COMTD1: variants seen among roughly 807,000 people sequenced by gnomAD.
COMTD1 encodes catechol-O-methyltransferase domain containing 1.
Under a neutral mutation model 33.6 loss-of-function variants are expected in COMTD1, and 35 were observed. The ratio of observed to expected loss-of-function variants is 1.04; its 90% CI spans 0.80 to 1.38. The LOEUF is 1.38. Among genes scored for constraint, COMTD1 ranks in the 40% most tolerant of loss-of-function variants. The pLI, the probability that COMTD1 is intolerant of heterozygous loss-of-function variation, is 0.00. For synonymous variants in COMTD1, 160 were observed against 176.8 expected (o/e 0.91, Z 0.75); for missense variants, 370 against 363.4 (o/e 1.02, Z -0.15).
chr10:75,235,669 A>G lies in COMTD1; in HGVS notation c.169T>C (p.Tyr57His). The stretch of plus-strand genomic sequence containing the variant: ...TCCCGCATGGAGCGGCTCAGAAGAT[A>G]CTGCCACAGGCGGCTGTCCTCGGGG... ...LPPEDSRLWQYLLSRSMREHP... is the reference protein window; with the variant it reads ...LPPEDSRLWQHLLSRSMREHP... Residue 57 changes from tyrosine to histidine, a missense_variant, in exon 2 of 7, where the codon TAT (tyrosine) becomes CAT (histidine). By Grantham distance (83) the Tyr-to-His change is moderately conservative (BLOSUM62 2). Transcript: ENST00000372538. 2 of 1,598,718 alleles carry G rather than the reference A, an allele frequency of 1.3e-6. No homozygotes were observed. Among genetic ancestry groups the G allele is most frequent in the Non-Finnish European group, 1.7e-6 (2 of 1,174,164 alleles).
At chr10:75,235,439 C>T in intron 2 of COMTD1, 67 bp from the exon 3 acceptor site, 1 of 1,369,242 alleles carries the variant, frequency 7.3e-7, no homozygotes, top group South Asian at 1.4e-5. Context: ...GGTCCCAAGC[C>T]CCAGGGGCGC....
chr10:75,234,396 G>A (rs1370943537), intron 6 of COMTD1, 171 bp from the exon 7 acceptor site: 1 of 1,003,318 alleles, frequency 1.0e-6, no homozygotes, highest in African/African-American at 1.6e-5. Flanking sequence ...GCGGGAGGCG[G>A]GGCCTCGGAG....
Position 75,234,426 on chromosome 10 carries a change from G to T in COMTD1, c.636+184C>A, listed in dbSNP as rs1842157155. On this transcript the variant is annotated intron_variant, in intron 6 of 6. Transcript: ENST00000372538. Reference sequence around the variant, plus strand: ...TCGGAGGGAGGTGCCCGGGCAGGAGGTGACCAGAGCTGGAGACAGAACCAA... The same window carrying T: ...TCGGAGGGAGGTGCCCGGGCAGGAGTTGACCAGAGCTGGAGACAGAACCAA... 5 of 1,104,608 alleles carry T rather than the reference G, an allele frequency of 4.5e-6. No individual in the cohort carries two copies. In the East Asian group the frequency reaches 7.8e-5, roughly 17 times the overall value. The allele number at this position is 1,104,608 out of a possible 1,614,324, so 68.4% of individuals were successfully genotyped here.
chr10:75,235,782 C>T (rs1440741222), intron 1 of COMTD1, 39 bp from the exon 2 acceptor site: 2 of 1,568,952 alleles, frequency 1.3e-6, no homozygotes, highest in South Asian at 1.2e-5. Context: ...TGAGCCACGC[C>T]GCGCCCTACT....
Position 75,234,616 on chromosome 10 carries a change from G to T in COMTD1, c.630C>A (p.Val210=). The T allele has an allele frequency of 6.4e-7, 1 of 1,562,304 alleles. No individual in the cohort carries two copies. The highest frequency in any genetic ancestry group is 1.9e-5 in the Admixed American group (1 of 52,714). Residue 210 remains valine, a synonymous_variant, in exon 6 of 7, where the codon GTC becomes GTA. Transcript: ENST00000372538. The part of the protein sequence containing the change: ...QLLRPGGILA[V]LRVLWRGKVL... ...CCCGCAGTGGATCCCTTACTCTGAGGACGGCGAGGATGCCTCCGGGTCGCA... is the reference window on the plus strand; with the variant it reads ...CCCGCAGTGGATCCCTTACTCTGAGTACGGCGAGGATGCCTCCGGGTCGCA...
In COMTD1 at chr10:75,234,593, C is replaced by T. The variant is rs1438114979; in HGVS notation, c.636+17G>A. 3 of 1,549,020 alleles carry T rather than the reference C, an allele frequency of 1.9e-6. No homozygotes were observed. The highest frequency in any genetic ancestry group is 2.6e-6 in the Non-Finnish European group (3 of 1,146,966). On this transcript the variant is annotated intron_variant, in intron 6 of 6. Transcript: ENST00000372538. Reference sequence around the variant, plus strand: ...CCCGACAGGGTGCTTTCTCCTCCCCCGCAGTGGATCCCTTACTCTGAGGAC... The same window carrying T: ...CCCGACAGGGTGCTTTCTCCTCCCCTGCAGTGGATCCCTTACTCTGAGGAC...
chr10:75,234,318 G>A, intron 6 of COMTD1, 93 bp from the exon 7 acceptor site: 3 of 1,340,466 alleles, frequency 2.2e-6, no homozygotes, highest in Non-Finnish European at 3.0e-6. Flanking sequence ...GGAGGTGCCC[G>A]GGCGGGAGGC....
In COMTD1 at chr10:75,234,957, C is replaced by G; in HGVS notation, c.483G>C (p.Lys161Asn). ...EAEHKIDLRL[K>N]PALETLDELL... ...GCTCACCCAGGGTCTCCAAGGCGGG[C>G]TTCAGCCGGAGGTCGATCTTGTGCT... Residue 161 changes from lysine (K) to asparagine (N), a missense_variant, in exon 5 of 7, where the codon AAG becomes AAC. By Grantham distance (94) the Lys-to-Asn change is moderately conservative. Transcript: ENST00000372538. The G allele has an allele frequency of 6.5e-7, 1 of 1,526,826 alleles. No individual in the cohort carries two copies. The highest frequency in any genetic ancestry group is 8.8e-7 in the Non-Finnish European group (1 of 1,139,578). The allele number at this position is 1,526,826 out of a possible 1,614,324, so 94.6% of individuals were successfully genotyped here.
In COMTD1 at chr10:75,235,108, G is replaced by T. The variant is rs1258096480; in HGVS notation, c.399C>A (p.Cys133Ter). 2.1e-6 allele frequency: 3 copies of T among 1,407,114 alleles called. No homozygotes were observed. The highest frequency in any genetic ancestry group is 3.4e-5 in the Admixed American group (1 of 29,386). The allele number at this position is 1,407,114 out of a possible 1,614,324, so 87.2% of individuals were successfully genotyped here. The change falls in exon 4 of 7, where the codon TGC becomes TGA. Residue 133 changes from cysteine to a stop codon, truncating the protein, a stop_gained. Transcript: ENST00000372538. LOFTEE classifies it high-confidence loss of function. Reference protein sequence around the residue: ...ALPADGRVVTCEVDAQPPELG... With the variant: ...ALPADGRVVT The stretch of plus-strand genomic sequence containing the variant: ...GCTCCGGGGGCTGCGCGTCCACCTC[G>T]CAGGTCACCACGCGCCCGTCCGCGG...
chr10:75,234,145 G>C lies in COMTD1; in HGVS notation c.717C>G (p.Ile239Met). 6.2e-7 allele frequency: 1 copy of C among 1,613,832 alleles called. No homozygotes were observed. Among genetic ancestry groups the C allele is most frequent in the Non-Finnish European group, 8.5e-7 (1 of 1,180,034 alleles). ...TGATGTAGACCCTGACGTCCCGCCG[G>C]ATGCGTTCGTTTAGGTTTCGCACAC... Reference protein sequence around the residue: ...AECVRNLNERIRRDVRVYISL... With the variant: ...AECVRNLNERMRRDVRVYISL... The change falls in exon 7 of 7, where the codon ATC (isoleucine) becomes ATG (methionine). Residue 239 changes from isoleucine to methionine, a missense_variant. Physicochemically the swap from Ile to Met is conservative, Grantham distance 10 (BLOSUM62 1). Coordinates refer to ENST00000372538, the MANE Select transcript of COMTD1 (RefSeq NM_144589.4).
Position 75,235,707 on chromosome 10 carries a change from T to A in COMTD1, c.131A>T (p.Gln44Leu). Residue 44 changes from glutamine to leucine, a missense_variant, in exon 2 of 7, where the codon CAG (glutamine) becomes CTG (leucine). By Grantham distance (113) the Gln-to-Leu change is moderately radical. Transcript: ENST00000372538. ...GCTGTCCTCGGGGGGAAGCAGGCAC[T>A]GCTCTCGCCGGCCTCGCCATGGGGG... ...RCPPWRGRREQCLLPPEDSRL... is the reference protein window; with the variant it reads ...RCPPWRGRRELCLLPPEDSRL... 1 of 1,599,760 alleles carries A rather than the reference T, an allele frequency of 6.3e-7. No individual in the cohort carries two copies. The highest frequency in any genetic ancestry group is 1.1e-5 in the South Asian group (1 of 88,980).
At position 75,234,160 on chromosome 10, in the gene COMTD1, G is replaced by A. The variant is rs375410020; in HGVS notation, c.702C>T (p.Asn234=). The part of the protein sequence containing the change: ...KGDVAAECVR[N]LNERIRRDVR... ...CGTCCCGCCGGATGCGTTCGTTTAG[G>A]TTTCGCACACACTCGGCCGCCACGT... The change falls in exon 7 of 7, where the codon AAC becomes AAT. Residue 234 remains asparagine (N), a synonymous_variant. Transcript: ENST00000372538. 7 of 1,613,666 alleles carry A rather than the reference G, an allele frequency of 4.3e-6. No homozygotes were observed. The highest frequency in any genetic ancestry group is 2.2e-5 in the South Asian group (2 of 91,090).
chr10:75,234,134 A>T lies in COMTD1; in HGVS notation c.728T>A (p.Val243Asp). The T allele has an allele frequency of 6.2e-7, 1 of 1,613,814 alleles. No individual in the cohort carries two copies. Among genetic ancestry groups the T allele is most frequent in the South Asian group, 1.1e-5 (1 of 91,080 alleles). Residue 243 changes from valine (V) to aspartate (D), a missense_variant, in exon 7 of 7, where the codon GTC (valine) becomes GAC (aspartate). Transcript: ENST00000372538. ...GGGCAGGAGGCTGATGTAGACCCTGACGTCCCGCCGGATGCGTTCGTTTAG... is the reference window on the plus strand; with the variant it reads ...GGGCAGGAGGCTGATGTAGACCCTGTCGTCCCGCCGGATGCGTTCGTTTAG... ...RNLNERIRRD[V>D]RVYISLLPLG...
chr10:75,234,480 G>A, intron 6 of COMTD1, 130 bp downstream of exon 6: 8 of 1,348,704 alleles, frequency 5.9e-6, no homozygotes, highest in Non-Finnish European at 8.0e-6. Flanking sequence ...TACCGGGGCC[G>A]GAGCCCCGGA....
Position 75,235,139 on chromosome 10 carries a change from G to A in COMTD1, c.368C>T (p.Ala123Val). Residue 123 changes from alanine to valine, a missense_variant, in exon 4 of 7, where the codon GCG becomes GTG. Physicochemically the swap from Ala to Val is moderately conservative, Grantham distance 64. Transcript: ENST00000372538. ...CACCACGCGCCCGTCCGCGGGCAGC[G>A]CCAGGGCCAGGGCCAGGGCGGAGTA... ...TGYSALALAL[A>V]LPADGRVVTC... The A allele has an allele frequency of 7.2e-7, 1 of 1,398,278 alleles. No homozygotes were observed. The highest frequency in any genetic ancestry group is 9.2e-7 in the Non-Finnish European group (1 of 1,083,348). 86.6% of individuals were successfully genotyped at this position (1,398,278 alleles called of 1,614,324 possible).
chr10:75,235,408 G>C lies in COMTD1; in HGVS notation c.223-36C>G, dbSNP rs748720290. ...GGAGAGGGTGGCACCAGCCATGCAGGTCACCCACCTTCGCCCTGGGGGTCC... is the reference window on the plus strand; with the variant it reads ...GGAGAGGGTGGCACCAGCCATGCAGCTCACCCACCTTCGCCCTGGGGGTCC... On this transcript the variant is annotated intron_variant, in intron 2 of 6. Coordinates refer to ENST00000372538, the MANE Select transcript of COMTD1 (RefSeq NM_144589.4). 3 of 1,461,286 alleles carry C rather than the reference G, an allele frequency of 2.1e-6. No homozygotes were observed. In the South Asian group the frequency reaches 3.9e-5, roughly 19 times the overall value. The allele number at this position is 1,461,286 out of a possible 1,614,324, so 90.5% of individuals were successfully genotyped here. A position where few individuals can be genotyped will look rare whatever the true frequency, so the allele number is the denominator to read the frequency against.
intron 2 of COMTD1, 35 bp from the exon 3 acceptor site, chr10:75,235,407 G>A: frequency 1.4e-6 from 2 of 1,461,172 alleles, no homozygotes; most frequent in South Asian, 2.6e-5. Flanking sequence ...CAGCCATGCA[G>A]GTCACCCACC....
Position 75,235,932 on chromosome 10 carries a change from G to T in COMTD1, c.-4C>A. On this transcript the variant is annotated 5_prime_UTR_variant, in exon 1 of 7. Transcript: ENST00000372538. ...GCCGGGGCACCGGCTGGGTCATGGC[G>T]CGGGCAGGAGGCGGCGGGAGGCAGT... is the stretch of plus-strand genomic sequence containing the variant. 2.8e-6 allele frequency: 4 copies of T among 1,450,108 alleles called. No homozygotes were observed. The highest frequency in any genetic ancestry group is 3.6e-6 in the Non-Finnish European group (4 of 1,110,460). 89.8% of individuals were successfully genotyped at this position (1,450,108 alleles called of 1,614,324 possible).
In COMTD1 at chr10:75,235,182, G is replaced by A; in HGVS notation, c.329-4C>T. The A allele has an allele frequency of 7.1e-7, 1 of 1,411,846 alleles. No individual in the cohort carries two copies. Among genetic ancestry groups the A allele is most frequent in the Non-Finnish European group, 9.2e-7 (1 of 1,088,468 alleles). 87.5% of individuals were successfully genotyped at this position (1,411,846 alleles called of 1,614,324 possible). On this transcript the variant is annotated splice_region_variant and splice_polypyrimidine_tract_variant and intron_variant, in intron 3 of 6. Transcript: ENST00000372538. ...GCGGAGTAGCCCGTGAAGGTGCCTG[G>A]GACCAGGACACAGACGGGCTCAGCC...
Sources: gnomAD v4.1 joint callset for allele counts on GRCh38, gnomAD v4.1.1 for gene constraint, MANE v1.5 for transcripts, NCBI Gene and HGNC (gene_info 2026-07-23, HGNC 2026-07-21) for gene names.